LHFPL6: variants seen among roughly 807,000 people sequenced by gnomAD.
LHFPL6 encodes the protein LHFPL tetraspan subfamily member 6.
A neutral mutation model predicts 20.6 loss-of-function variants in LHFPL6; 9 were observed. That is an observed-to-expected ratio of 0.44 (90% CI 0.26 to 0.76). The LOEUF (loss-of-function observed/expected upper bound fraction) is 0.76. LHFPL6 is among the 30% of genes least tolerant of loss of function. The pLI, the probability that LHFPL6 is intolerant of heterozygous loss-of-function variation, is 0.20. For synonymous variants in LHFPL6, 105 were observed against 98.7 expected (o/e 1.06, Z -0.38); for missense variants, 218 against 253.5 (o/e 0.86, Z 0.95).
At chr13:39,353,308 C>A (rs1246392922) in intron 3 of LHFPL6, among the ~76,000 whole-genome samples, 1 of 151,704 alleles carries the variant, frequency 6.6e-6, no homozygotes, top group Non-Finnish European at 1.5e-5. Context: ...TTTAATGAGA[C>A]AAGTAGTAAA....
intron 2 of LHFPL6, among the ~76,000 whole-genome samples, chr13:39,570,764 T>C (rs773981027): frequency 6.6e-6 from 1 of 152,162 alleles, no homozygotes. Context: ...AGTGTGTGCA[T>C]GTGAGTGCGT....
At chr13:39,491,072 G>A (rs1266551029) in intron 2 of LHFPL6, among the ~76,000 whole-genome samples, 1 of 152,158 alleles carries the variant, frequency 6.6e-6, no homozygotes, top group Non-Finnish European at 1.5e-5. Flanking sequence ...AGATTTGTGA[G>A]TCTACCATGG....
At chr13:39,512,764 G>A (rs906183332) in intron 2 of LHFPL6, among the ~76,000 whole-genome samples, 1 of 152,176 alleles carries the variant, frequency 6.6e-6, no homozygotes, top group Non-Finnish European at 1.5e-5. Flanking sequence ...CTAAAAGCAG[G>A]TAGGACAGCT....
chr13:39,550,420 T>C (rs1480127567), intron 2 of LHFPL6, among the ~76,000 whole-genome samples: 1 of 152,116 alleles, frequency 6.6e-6, no homozygotes, highest in East Asian at 1.9e-4. Context: ...CTCAATGAAC[T>C]TGACTTTTAA....
intron 2 of LHFPL6, among the ~76,000 whole-genome samples, chr13:39,503,146 G>A (rs1470390033): frequency 1.3e-5 from 2 of 152,152 alleles, no homozygotes; most frequent in African/African-American, 2.4e-5. Context: ...AGAACAGCCA[G>A]AATGCTTACA....
At chr13:39,387,756 T>A (rs116461381) in intron 2 of LHFPL6, among the ~76,000 whole-genome samples, 294 of 152,178 alleles carry the variant, frequency 1.9e-3, no homozygotes, top group African/African-American at 6.4e-3. Context: ...GTCCCATCTC[T>A]GGGCTTACTT....
At chr13:39,489,570 C>CG (rs918737275) in intron 2 of LHFPL6, among the ~76,000 whole-genome samples, 7 of 149,006 alleles carry the variant, frequency 4.7e-5, no homozygotes, top group African/African-American at 1.7e-4. Context: ...TGGAGGGGAG[C>CG]GGGGGATAGG....
At chr13:39,523,100 C>T (rs1489702411) in intron 2 of LHFPL6, among the ~76,000 whole-genome samples, 1 of 152,168 alleles carries the variant, frequency 6.6e-6, no homozygotes, top group East Asian at 1.9e-4. Context: ...TTTACATAAC[C>T]ACTTTGGGCC....
intron 2 of LHFPL6, among the ~76,000 whole-genome samples, chr13:39,458,648 T>A (rs555882771): frequency 6.6e-6 from 1 of 151,634 alleles, no homozygotes; most frequent in South Asian, 2.1e-4. Context: ...TGAGCCGTGA[T>A]TGTGCCACTG....
chr13:39,517,676 T>A (rs1869971751), intron 2 of LHFPL6, among the ~76,000 whole-genome samples: 1 of 152,106 alleles, frequency 6.6e-6, no homozygotes, highest in Non-Finnish European at 1.5e-5. Flanking sequence ...ATGTACACCT[T>A]TTGTCCTGGG....
chr13:39,598,725 T>G (rs975428180), intron 2 of LHFPL6, among the ~76,000 whole-genome samples: 1 of 152,012 alleles, frequency 6.6e-6, no homozygotes, highest in East Asian at 1.9e-4. Flanking sequence ...CTGGCTAATT[T>G]TTTTGTATTT....
intron 2 of LHFPL6, among the ~76,000 whole-genome samples, chr13:39,396,016 G>A (rs1017693617): frequency 2.0e-5 from 3 of 152,206 alleles, no homozygotes; most frequent in African/African-American, 7.2e-5. Flanking sequence ...AAAGCTGCCT[G>A]CTATGAAGGC....
chr13:39,449,833 C>CA lies in LHFPL6; in HGVS notation c.386-71308dup, dbSNP rs34024514. Among the ~76,000 whole-genome samples, 403 of 133,346 alleles carry CA rather than the reference C, an allele frequency of 3.0e-3. 2 individuals are homozygous for CA. The highest frequency in any genetic ancestry group is 0.016 in the Middle Eastern group (4 of 254). 87.5% of individuals were successfully genotyped at this position (133,346 alleles called of 152,430 possible). On this transcript the variant is annotated intron_variant, in intron 2 of 3. Coordinates refer to ENST00000379589, the MANE Select transcript of LHFPL6 (RefSeq NM_005780.3). ...AAGAGTTCAATGATTCTGAAAGTAGCAAAAAAAAAAAAAAAAGGAATTTCA... is the reference window on the plus strand; with the variant it reads ...AAGAGTTCAATGATTCTGAAAGTAGCAAAAAAAAAAAAAAAAAGGAATTTCA...
rs566095865 is a variant in LHFPL6, at chr13:39,367,639, C to T, written c.484+10789G>A. On this transcript the variant is annotated intron_variant, in intron 3 of 3. Transcript: ENST00000379589. ...ATGTAAGACTTCCAAATGTTGTTTA[C>T]TATATAGGTTCTAAGTCTTCAGGTG... Among the ~76,000 whole-genome samples the T allele has an allele frequency of 3.4e-3, 518 of 152,202 alleles. 2 individuals are homozygous for T. The highest frequency in any genetic ancestry group is 0.012 in the African/African-American group (486 of 41,532).
chr13:39,418,273 A>C (rs1015704428), intron 2 of LHFPL6, among the ~76,000 whole-genome samples: 1 of 152,188 alleles, frequency 6.6e-6, no homozygotes, highest in Non-Finnish European at 1.5e-5. Context: ...ATATTCAATG[A>C]ACTTAAAGAA....
chr13:39,427,443 T>C (rs1295788699), intron 2 of LHFPL6, among the ~76,000 whole-genome samples: 1 of 152,250 alleles, frequency 6.6e-6, no homozygotes, highest in African/African-American at 2.4e-5. Context: ...GCTGTGGAAG[T>C]TCCCATCTAT....
At chr13:39,576,413 T>C (rs1872117473) in intron 2 of LHFPL6, among the ~76,000 whole-genome samples, 1 of 152,194 alleles carries the variant, frequency 6.6e-6, no homozygotes, top group Non-Finnish European at 1.5e-5. Context: ...GGTACTAGTA[T>C]TAAATAGCTG....
Position 39,470,093 on chromosome 13 carries a change from C to T in LHFPL6, c.386-91567G>A, listed in dbSNP as rs544607475. ...GCTAACCATTTCATCTCTCCACTCG[C>T]TTAAAAAATATATATATATAAGCCA... On this transcript the variant is annotated intron_variant, in intron 2 of 3. Transcript: ENST00000379589. Among the ~76,000 whole-genome samples, 3 of 152,256 alleles carry T rather than the reference C, an allele frequency of 2.0e-5. No homozygotes were observed. In the South Asian group the frequency reaches 6.2e-4, roughly 32 times the overall value.
At chr13:39,352,261 C>T (rs1869588096) in intron 3 of LHFPL6, among the ~76,000 whole-genome samples, 2 of 152,196 alleles carry the variant, frequency 1.3e-5, no homozygotes, top group Admixed American at 6.5e-5. Context: ...TTGACCCTAC[C>T]TTGACTCTGT....
Sources: allele counts gnomAD v4.1 joint callset (sites outside exome capture counted in the v4.1 genomes callset), GRCh38; gene constraint gnomAD v4.1.1; transcripts MANE v1.5; gene names NCBI Gene and HGNC (gene_info 2026-07-23, HGNC 2026-07-21).